The following SRGN variants were observed in gnomAD, a reference collection of about 807,000 sequenced individuals.
SRGN encodes hematopoetic proteoglycan core peptide.
A neutral mutation model predicts 9.5 loss-of-function variants in SRGN; 2 were observed. That is an observed-to-expected ratio of 0.21 (90% CI 0.09 to 0.66). The LOEUF is 0.66. Among genes scored for constraint, SRGN ranks in the 30% least tolerant of loss-of-function variants. SRGN has a pLI of 0.83. For synonymous variants in SRGN, 59 were observed against 72.3 expected (o/e 0.82, Z 0.93); for missense variants, 170 against 192.4 (o/e 0.88, Z 0.69).
At chr10:69,094,625 C>T (rs115989892) in intron 1 of SRGN, among the ~76,000 whole-genome samples, 2,891 of 152,032 alleles carry the variant, frequency 0.019, 95 homozygotes, top group African/African-American at 0.066. Flanking sequence ...GAGACAGTCT[C>T]GCTGTGTCAC....
upstream of SRGN, chr10:69,087,991 T>C: frequency 1.6e-6 from 1 of 612,074 alleles, no homozygotes; most frequent in East Asian, 2.8e-5. Context: ...CCCCTTTCTT[T>C]CTGGGTTTTG....
In SRGN at chr10:69,097,149, T is replaced by C. The variant is rs1840191373; in HGVS notation, c.145T>C (p.Cys49Arg). ...CAATCCAGACAGTAATTCTGCAAAC[T>C]GCCTTGAAGAAAAAGGACCAATGTT... The part of the protein sequence containing the change: ...RCNPDSNSAN[C>R]LEEKGPMFEL... Residue 49 changes from cysteine (C) to arginine (R), a missense_variant, in exon 2 of 3, where the codon TGC becomes CGC. By Grantham distance (180) the Cys-to-Arg change is radical. Transcript: ENST00000242465. The C allele has an allele frequency of 1.2e-6, 2 of 1,614,134 alleles. No homozygotes were observed. The highest frequency in any genetic ancestry group is 1.7e-6 in the Non-Finnish European group (2 of 1,179,972).
rs998587738 is a variant in SRGN at position 69,089,704 on chromosome 10, G to T, written c.79+1468G>T. ...AGGTCAGGAGTTTGAGACCAGCCTGGCCAACATAGTGAAATCCCGTCTCTA... is the reference window on the plus strand; with the variant it reads ...AGGTCAGGAGTTTGAGACCAGCCTGTCCAACATAGTGAAATCCCGTCTCTA... On this transcript the variant is annotated intron_variant, in intron 1 of 2. Coordinates refer to ENST00000242465, the MANE Select transcript of SRGN (RefSeq NM_002727.4). Among the ~76,000 whole-genome samples the T allele has an allele frequency of 1.9e-4, 29 of 151,748 alleles. 1 individual carries two copies. Among genetic ancestry groups the T allele is most frequent in the African/African-American group, 7.0e-4 (29 of 41,284 alleles).
At chr10:69,103,839 G>A (rs755317380) in intron 2 of SRGN, 32 bp from the exon 3 acceptor site, 6 of 1,607,102 alleles carry the variant, frequency 3.7e-6, no homozygotes, top group Non-Finnish European at 5.1e-6. Context: ...AAACTCCACT[G>A]GTTTTTTTCC....
At chr10:69,094,148 T>C (rs574903412) in intron 1 of SRGN, among the ~76,000 whole-genome samples, 2 of 152,170 alleles carry the variant, frequency 1.3e-5, no homozygotes, top group African/African-American at 2.4e-5. Flanking sequence ...GAAGTTTAAG[T>C]TGGCCAAGAT....
At position 69,097,128 on chromosome 10, in the gene SRGN, C is replaced by A. The variant is rs775256324; in HGVS notation, c.124C>A (p.Pro42Thr). ...CAGGTACCAATGGGTGCGCTGCAAT[C>A]CAGACAGTAATTCTGCAAACTGCCT... is the stretch of plus-strand genomic sequence containing the variant. Reference protein sequence around the residue: ...RARYQWVRCNPDSNSANCLEE... With the variant: ...RARYQWVRCNTDSNSANCLEE... The change falls in exon 2 of 3, where the codon CCA (proline) becomes ACA (threonine). Residue 42 changes from proline (P) to threonine (T), a missense_variant. By Grantham distance (38) the Pro-to-Thr change is conservative. Transcript: ENST00000242465. 8 of 1,614,002 alleles carry A rather than the reference C, an allele frequency of 5.0e-6. No individual in the cohort carries two copies. The East Asian group carries it at 1.6e-4, about 31-fold the overall frequency.
At chr10:69,100,092 G>A (rs994943927) in intron 2 of SRGN, among the ~76,000 whole-genome samples, 1 of 152,250 alleles carries the variant, frequency 6.6e-6, no homozygotes. Flanking sequence ...ATGGTGGCAC[G>A]CCTGTAATCC....
chr10:69,102,955 A>G (rs1840320890), intron 2 of SRGN, among the ~76,000 whole-genome samples: 1 of 151,632 alleles, frequency 6.6e-6, no homozygotes, highest in South Asian at 2.1e-4. Flanking sequence ...TTTTTGGTGG[A>G]GGGTATGGAG....
chr10:69,092,341 T>C (rs1589326416), intron 1 of SRGN, among the ~76,000 whole-genome samples: 2 of 152,232 alleles, frequency 1.3e-5, no homozygotes, highest in East Asian at 3.8e-4. Flanking sequence ...TGTCTGTAAC[T>C]TGTTCTTTAT....
At chr10:69,100,987 T>TTCTTTCTTTCTTTCTTTCTTTC (rs1251141705) in intron 2 of SRGN, among the ~76,000 whole-genome samples, 9 of 142,564 alleles carry the variant, frequency 6.3e-5, no homozygotes, top group African/African-American at 2.5e-4. Context: ...CTTTCTTTCT[T>TTCTTTCTTTCTTTCTTTCTTTC]TTTTTTTTTT....
chr10:69,097,341 A>G, intron 2 of SRGN, 110 bp downstream of exon 2: 3 of 789,632 alleles, frequency 3.8e-6, no homozygotes, highest in Non-Finnish European at 3.9e-6. Flanking sequence ...GCTCACTGCA[A>G]CCTCCGCCTC....
intron 1 of SRGN, among the ~76,000 whole-genome samples, chr10:69,094,746 A>G (rs1040677705): frequency 6.6e-6 from 1 of 151,868 alleles, no homozygotes; most frequent in Non-Finnish European, 1.5e-5. Flanking sequence ...GTGCTACCAC[A>G]TCCAGCTAAT....
At chr10:69,091,879 C>CAAAAAAAAAAAAAAAAAAAAAGAAAA (rs1840063751) in intron 1 of SRGN, among the ~76,000 whole-genome samples, 1 of 31,770 alleles carries the variant, frequency 3.1e-5, no homozygotes, top group African/African-American at 2.1e-4. Flanking sequence ...GACTCTGTCT[C>CAAAAAAAAAAAAAAAAAAAAAGAAAA]AAAAAAAAAA....
intron 1 of SRGN, among the ~76,000 whole-genome samples, chr10:69,094,375 A>G (rs1253156329): frequency 1.3e-5 from 2 of 152,232 alleles, no homozygotes; most frequent in African/African-American, 2.4e-5. Context: ...ACTGTTTTCT[A>G]TATTAAAGTG....
Position 69,104,282 on chromosome 10 carries a change from G to T in SRGN, c.*162G>T. ...CTTTTTTTTCTCATGAATTCTTAAA[G>T]GATTATGCTTTAATGCTGTTATCTA... On this transcript the variant is annotated 3_prime_UTR_variant, in exon 3 of 3. Transcript: ENST00000242465. 4.1e-6 allele frequency: 4 copies of T among 985,570 alleles called. No individual in the cohort carries two copies. The highest frequency in any genetic ancestry group is 3.0e-5 in the Admixed American group (1 of 33,502). The allele number at this position is 985,570 out of a possible 1,614,324, so 61.1% of individuals were successfully genotyped here. A position where few individuals can be genotyped will look rare whatever the true frequency, so the allele number is the denominator to read the frequency against.
chr10:69,095,959 T>A (rs1840167073), intron 1 of SRGN, among the ~76,000 whole-genome samples: 1 of 151,726 alleles, frequency 6.6e-6, no homozygotes, highest in African/African-American at 2.4e-5. Flanking sequence ...CTATATAACC[T>A]CATAATATCA....
chr10:69,090,794 G>T (rs1461069057), intron 1 of SRGN, among the ~76,000 whole-genome samples: 2 of 152,174 alleles, frequency 1.3e-5, no homozygotes, highest in African/African-American at 2.4e-5. Flanking sequence ...CAAGCACAAA[G>T]AAATGGAAAT....
At chr10:69,088,951 T>C (rs1839995721) in intron 1 of SRGN, among the ~76,000 whole-genome samples, 1 of 152,228 alleles carries the variant, frequency 6.6e-6, no homozygotes, top group African/African-American at 2.4e-5. Flanking sequence ...ATGAAAATGA[T>C]AGGCTTGTAA....
intron 2 of SRGN, among the ~76,000 whole-genome samples, chr10:69,100,173 G>A (rs1840259855): frequency 6.6e-6 from 1 of 152,182 alleles, no homozygotes; most frequent in South Asian, 2.1e-4. Flanking sequence ...ACCTGCCTGG[G>A]TAACATGGAG....
Sources: gnomAD v4.1 joint callset for allele counts (sites outside exome capture counted in the v4.1 genomes callset) on GRCh38, gnomAD v4.1.1 for gene constraint, MANE v1.5 for transcripts, NCBI Gene and HGNC (gene_info 2026-07-23, HGNC 2026-07-21) for gene names.